Variants in CLMN observed in about 807,000 individuals in gnomAD.
CLMN encodes the protein calmin.
A neutral mutation model predicts 92.7 loss-of-function variants in CLMN; 57 were observed. The observed-to-expected ratio is 0.61, with a 90% CI of 0.50 to 0.77. CLMN has a LOEUF of 0.77. Ranked by LOEUF, CLMN falls within the 30% of genes least tolerant of loss-of-function variation. The probability of loss-of-function intolerance (pLI) is 0.00; values close to 1 mark genes in which losing one functional copy is unlikely to be tolerated. For missense variants in CLMN, 1,158 were observed against 1,237.5 expected, an observed-to-expected ratio of 0.94 and a Z score of 0.96; for synonymous variants, 466 against 470.6, an observed-to-expected ratio of 0.99 and a Z score of 0.13.
At chr14:95,274,139 A>G (rs751916709) in intron 1 of CLMN, among the ~76,000 whole-genome samples, 1 of 151,886 alleles carries the variant, frequency 6.6e-6, no homozygotes, top group Admixed American at 6.6e-5. Flanking sequence ...TACTTTCCCT[A>G]ATTTGCCATC....
In CLMN at chr14:95,202,829, GT is replaced by G; in HGVS notation, c.2511+8del. ...GGACCCAGGGTTCCCAAATCCCACG[GT>G]TGAGTACCTGATGGCTGTCCATGGG... On this transcript the variant is annotated splice_region_variant and intron_variant, in intron 9 of 12. Transcript: ENST00000298912. The G allele has an allele frequency of 6.6e-7, 1 of 1,517,574 alleles. No homozygotes were observed. The highest frequency in any genetic ancestry group is 1.4e-5 in the African/African-American group (1 of 71,756). The allele number at this position is 1,517,574 out of a possible 1,614,324, so 94.0% of individuals were successfully genotyped here. A position where few individuals can be genotyped will look rare whatever the true frequency, so the allele number is the denominator to read the frequency against.
At position 95,233,345 on chromosome 14, in the gene CLMN, A is replaced by T. The variant is rs552053676; in HGVS notation, c.83-3212T>A. The stretch of plus-strand genomic sequence containing the variant: ...CATCCCTCCATCCACCCATCCATCC[A>T]TCCACCTACCCATCCATCCATCCAG... On this transcript the variant is annotated intron_variant, in intron 1 of 12. Transcript: ENST00000298912. Among the ~76,000 whole-genome samples the T allele has an allele frequency of 2.6e-5, 4 of 152,008 alleles. No individual in the cohort carries two copies. In the East Asian group the frequency reaches 7.7e-4, roughly 29 times the overall value.
chr14:95,275,439 T>G (rs557343032), intron 1 of CLMN, among the ~76,000 whole-genome samples: 23 of 152,102 alleles, frequency 1.5e-4, no homozygotes, highest in African/African-American at 5.3e-4. Flanking sequence ...TACAAGACAC[T>G]CCCACCAGCA....
chr14:95,203,482 G>C lies in CLMN; in HGVS notation c.1867C>G (p.Gln623Glu), dbSNP rs756195517. 1.1e-5 allele frequency: 18 copies of C among 1,613,968 alleles called. 1 individual carries two copies. In the Admixed American group the frequency reaches 1.2e-4, roughly 10 times the overall value. ...AHKKKDSPEP[Q>E]VKMDKHEPHQ... Reference sequence around the variant, plus strand: ...GGTTCATGTTTGTCCATCTTAACTTGAGGCTCTGGCGAATCCTTCTTTTTG... The same window carrying C: ...GGTTCATGTTTGTCCATCTTAACTTCAGGCTCTGGCGAATCCTTCTTTTTG... The change falls in exon 9 of 13, where the codon CAA becomes GAA. Residue 623 changes from glutamine (Q) to glutamate (E), a missense_variant. By Grantham distance (29) the Gln-to-Glu change is conservative (BLOSUM62 2). Coordinates refer to ENST00000298912, the MANE Select transcript of CLMN (RefSeq NM_024734.4).
chr14:95,266,693 C>T (rs1227153462), intron 1 of CLMN, among the ~76,000 whole-genome samples: 1 of 152,114 alleles, frequency 6.6e-6, no homozygotes, highest in Non-Finnish European at 1.5e-5. Flanking sequence ...TAAAAAAATT[C>T]TAAAATTTCT....
chr14:95,231,326 A>G (rs961188710), intron 1 of CLMN, among the ~76,000 whole-genome samples: 1 of 151,460 alleles, frequency 6.6e-6, no homozygotes, highest in Non-Finnish European at 1.5e-5. Flanking sequence ...CCTCCAGAGT[A>G]GCTGGGACTA....
chr14:95,204,371 G>A lies in CLMN; in HGVS notation c.978C>T (p.Phe326=), dbSNP rs111287470. 1.6e-4 allele frequency: 251 copies of A among 1,613,980 alleles called. No homozygotes were observed. In the African/African-American group the frequency reaches 3.0e-3, roughly 19 times the overall value. Residue 326 remains phenylalanine, a synonymous_variant, in exon 9 of 13, where the codon TTC becomes TTT. Coordinates refer to ENST00000298912, the MANE Select transcript of CLMN (RefSeq NM_024734.4). The stretch of plus-strand genomic sequence containing the variant: ...TACGCTCCCCATTTTCAGTCAGAAC[G>A]AAGACTTTGCTCTCCTGTTCAGAAG... ...ETPSEQESKV[F]VLTENGERTY... is the part of the protein sequence containing the mutation.
At chr14:95,245,276 ATATATAGTTTT>A (rs1898501046) in intron 1 of CLMN, among the ~76,000 whole-genome samples, 1 of 71,830 alleles carries the variant, frequency 1.4e-5, no homozygotes, top group African/African-American at 6.5e-5. Context: ...TATATTATAT[ATATATAGTTTT>A]GTTTTGTTTT....
At chr14:95,219,368 C>A (rs1346143792) in intron 4 of CLMN, among the ~76,000 whole-genome samples, 1 of 152,182 alleles carries the variant, frequency 6.6e-6, no homozygotes, top group Non-Finnish European at 1.5e-5. Flanking sequence ...TCACAAAAAC[C>A]ATGCCCTTTG....
At chr14:95,281,178 A>C (rs1463013632) in intron 1 of CLMN, among the ~76,000 whole-genome samples, 1 of 152,210 alleles carries the variant, frequency 6.6e-6, no homozygotes, top group Non-Finnish European at 1.5e-5. Flanking sequence ...GAGATGAGAA[A>C]CATTTATCCA....
At chr14:95,237,536 C>T (rs942416757) in intron 1 of CLMN, among the ~76,000 whole-genome samples, 2 of 152,230 alleles carry the variant, frequency 1.3e-5, no homozygotes, top group Non-Finnish European at 2.9e-5. Context: ...ATCCACTGTC[C>T]GGGAGGCCAG....
chr14:95,225,966 T>G (rs1791860853), intron 2 of CLMN, among the ~76,000 whole-genome samples: 1 of 152,146 alleles, frequency 6.6e-6, no homozygotes. Flanking sequence ...GATGCTCCAG[T>G]GTGAGGATTT....
At chr14:95,276,566 C>T (rs1038584816) in intron 1 of CLMN, among the ~76,000 whole-genome samples, 3 of 152,106 alleles carry the variant, frequency 2.0e-5, no homozygotes, top group African/African-American at 7.2e-5. Flanking sequence ...TCCCTGAGTT[C>T]CTTGCCTTCC....
At chr14:95,303,923 C>T (rs1434363604) in intron 1 of CLMN, among the ~76,000 whole-genome samples, 2 of 152,174 alleles carry the variant, frequency 1.3e-5, no homozygotes, top group Non-Finnish European at 2.9e-5. Flanking sequence ...TTTATGTATG[C>T]ATTACATATT....
intron 5 of CLMN, among the ~76,000 whole-genome samples, chr14:95,213,718 T>C (rs1897256807): frequency 6.6e-6 from 1 of 152,094 alleles, no homozygotes; most frequent in Non-Finnish European, 1.5e-5. Flanking sequence ...CTGCCGCCCC[T>C]TTCCTCTCAC....
Position 95,204,411 on chromosome 14 carries a change from C to A in CLMN, c.938G>T (p.Arg313Leu), listed in dbSNP as rs145924471. The change falls in exon 9 of 13, where the codon CGC becomes CTC. Residue 313 changes from arginine (R) to leucine (L), a missense_variant. Arg to Leu is a moderately radical substitution (Grantham distance 102). Coordinates refer to ENST00000298912, the MANE Select transcript of CLMN (RefSeq NM_024734.4). Reference sequence around the variant, plus strand: ...CTGTTCAGAAGGAGTTTCTTTGATGCGAACAAAAGTGGATTCGATAGGAAC... The same window carrying A: ...CTGTTCAGAAGGAGTTTCTTTGATGAGAACAAAAGTGGATTCGATAGGAAC... ...KEVPIESTFV[R>L]IKETPSEQES... The A allele has an allele frequency of 1.9e-6, 3 of 1,610,458 alleles. No individual in the cohort carries two copies. The highest frequency in any genetic ancestry group is 4.5e-5 in the East Asian group (2 of 44,784).
Position 95,204,016 on chromosome 14 carries a change from A to C in CLMN, c.1333T>G (p.Cys445Gly), listed in dbSNP as rs757428841. 11 of 1,614,172 alleles carry C rather than the reference A, an allele frequency of 6.8e-6. No homozygotes were observed. The highest frequency in any genetic ancestry group is 8.5e-6 in the Non-Finnish European group (10 of 1,180,012). The change falls in exon 9 of 13, where the codon TGC (cysteine) becomes GGC (glycine). Residue 445 changes from cysteine to glycine, a missense_variant. Coordinates refer to ENST00000298912, the MANE Select transcript of CLMN (RefSeq NM_024734.4). The part of the protein sequence containing the change: ...DPFCSKNLSL[C>G]FEGSPRVAKE... ...GCCACTCTTGGGCTCCCTTCAAAGC[A>C]AAGGGACAGGTTCTTACTGCAGAAA...
In CLMN at chr14:95,193,936, A is replaced by C. The variant is rs1334187120; in HGVS notation, c.2770-17T>G. The C allele has an allele frequency of 6.2e-7, 1 of 1,611,960 alleles. No individual in the cohort carries two copies. Among genetic ancestry groups the C allele is most frequent in the Admixed American group, 1.7e-5 (1 of 59,656 alleles). ...AAAATGATCCTACAGTGAAATTTAT[A>C]AACAAAAGCCCCCGCAACCCAATTA... On this transcript the variant is annotated splice_polypyrimidine_tract_variant and intron_variant, in intron 11 of 12. Transcript: ENST00000298912.
intron 1 of CLMN, among the ~76,000 whole-genome samples, chr14:95,299,881 C>T (rs534383659): frequency 2.6e-5 from 4 of 152,194 alleles, no homozygotes; most frequent in Non-Finnish European, 5.9e-5. Flanking sequence ...GTGTTAAGTG[C>T]CAAGTGACAG....
Sources: gnomAD v4.1 joint callset for allele counts (sites outside exome capture counted in the v4.1 genomes callset) on GRCh38, gnomAD v4.1.1 for gene constraint, MANE v1.5 for transcripts, NCBI Gene and HGNC (gene_info 2026-07-23, HGNC 2026-07-21) for gene names.